The following ENGASE variants were observed in gnomAD, a reference collection of about 807,000 sequenced individuals.
The protein encoded by ENGASE is cytosolic endo-beta-N-acetylglucosaminidase.
ENGASE carries 69 observed loss-of-function variants against 78.5 expected under a neutral mutation model. The ratio of observed to expected loss-of-function variants is 0.88; its 90% CI spans 0.72 to 1.07. ENGASE has a LOEUF of 1.07. ENGASE is among the 50% of genes least tolerant of loss of function. ENGASE has a pLI of 0.00. For missense variants in ENGASE, 943 were observed against 988.4 expected, an observed-to-expected ratio of 0.95 and a Z score of 0.62; for synonymous variants, 408 against 408.9, an observed-to-expected ratio of 1.00 and a Z score of 0.03.
Position 79,081,151 on chromosome 17 carries a change from G to C in ENGASE, c.872+78G>C, listed in dbSNP as rs1286914889. Reference sequence around the variant, plus strand: ...TACTGTGAGGGGTGGGTGCCGCAAGGGGCGGGCGCAGTCTCCCTCATGGAG... The same window carrying C: ...TACTGTGAGGGGTGGGTGCCGCAAGCGGCGGGCGCAGTCTCCCTCATGGAG... On this transcript the variant is annotated intron_variant, in intron 6 of 13. Transcript: ENST00000579016. 45 of 1,334,650 alleles carry C rather than the reference G, an allele frequency of 3.4e-5. No individual in the cohort carries two copies. In the South Asian group the frequency reaches 6.3e-4, roughly 19 times the overall value. The allele number at this position is 1,334,650 out of a possible 1,614,324, so 82.7% of individuals were successfully genotyped here. A position where few individuals can be genotyped will look rare whatever the true frequency, so the allele number is the denominator to read the frequency against.
chr17:79,083,747 G>A lies in ENGASE; in HGVS notation c.1252-14G>A. 1 of 1,603,504 alleles carries A rather than the reference G, an allele frequency of 6.2e-7. No individual in the cohort carries two copies. The highest frequency in any genetic ancestry group is 8.5e-7 in the Non-Finnish European group (1 of 1,174,542). On this transcript the variant is annotated splice_polypyrimidine_tract_variant and intron_variant, in intron 9 of 13. Coordinates refer to ENST00000579016, the MANE Select transcript of ENGASE (RefSeq NM_001042573.3). The surrounding 1 kb of genome is among the most constrained non-coding windows in gnomAD (Gnocchi z 4.9). ...GGCCTCTGCTGAGTGCCCCTGTTCT[G>A]CCCTTTTCTTCAGGAAGAGGCGGTA...
In ENGASE at chr17:79,086,093, G is replaced by T; in HGVS notation, c.1976G>T (p.Arg659Leu). The T allele has an allele frequency of 6.2e-7, 1 of 1,613,654 alleles. No individual in the cohort carries two copies. Among genetic ancestry groups the T allele is most frequent in the Non-Finnish European group, 8.5e-7 (1 of 1,180,036 alleles). Residue 659 changes from arginine to leucine, a missense_variant, in exon 14 of 14, where the codon CGT (arginine) becomes CTT (leucine). Arg to Leu is a moderately radical substitution (Grantham distance 102, BLOSUM62 -2). Coordinates refer to ENST00000579016, the MANE Select transcript of ENGASE (RefSeq NM_001042573.3). ...LHWSFLLSQV[R>L]CFRIHCWGGM... ...TGGTCCTTCCTCCTCTCACAAGTCC[G>T]TTGCTTCCGAATCCACTGCTGGGGA...
At position 79,085,300 on chromosome 17, in the gene ENGASE, T is replaced by C; in HGVS notation, c.1658T>C (p.Val553Ala). 1 of 1,612,858 alleles carries C rather than the reference T, an allele frequency of 6.2e-7. No homozygotes were observed. Reference protein sequence around the residue: ...RVPPTKLARWVGRCGRQLSGG... With the variant: ...RVPPTKLARWAGRCGRQLSGG... Reference sequence around the variant, plus strand: ...CCCCCCACCAAGCTGGCCAGATGGGTGGGCCGCTGCGGCCGGCAGCTGAGT... The same window carrying C: ...CCCCCCACCAAGCTGGCCAGATGGGCGGGCCGCTGCGGCCGGCAGCTGAGT... The change falls in exon 12 of 14, where the codon GTG (valine) becomes GCG (alanine). Residue 553 changes from valine (V) to alanine (A), a missense_variant. Val to Ala is a moderately conservative substitution (Grantham distance 64). Coordinates refer to ENST00000579016, the MANE Select transcript of ENGASE (RefSeq NM_001042573.3).
rs977354936 is a variant in ENGASE at position 79,087,184 on chromosome 17, G to A, written c.*835G>A. 5.0e-6 allele frequency: 2 copies of A among 397,884 alleles called. No homozygotes were observed. The highest frequency in any genetic ancestry group is 4.1e-5 in the African/African-American group (2 of 48,700). The allele number at this position is 397,884 out of a possible 1,614,324, so 24.6% of individuals were successfully genotyped here. A position where few individuals can be genotyped will look rare whatever the true frequency, so the allele number is the denominator to read the frequency against. ...GCCGCCCTTCAGGCTGGGGTAGCAG[G>A]TCAGTCCAGGCAGGAAGCAGCACCT... On this transcript the variant is annotated 3_prime_UTR_variant, in exon 14 of 14. Coordinates refer to ENST00000579016, the MANE Select transcript of ENGASE (RefSeq NM_001042573.3).
At chr17:79,082,839 G>C in intron 7 of ENGASE, 181 bp from the exon 8 acceptor site, 1 of 1,538,196 alleles carries the variant, frequency 6.5e-7, no homozygotes, top group Non-Finnish European at 8.7e-7. Flanking sequence ...CTTCTGGCGG[G>C]CTTGTGGAAC....
chr17:79,084,755 G>C (rs2073243331), intron 11 of ENGASE, 69 bp downstream of exon 11: 3 of 1,553,176 alleles, frequency 1.9e-6, no homozygotes, highest in Non-Finnish European at 2.6e-6. Flanking sequence ...GTGTGGAGAG[G>C]CTCCTGGGGT....
Position 79,080,195 on chromosome 17 carries a change from C to T in ENGASE, c.566-12C>T. On this transcript the variant is annotated splice_polypyrimidine_tract_variant and intron_variant, in intron 4 of 13. Coordinates refer to ENST00000579016, the MANE Select transcript of ENGASE (RefSeq NM_001042573.3). ...TCCCGTGGCTGACCTTGTTTCTCTC[C>T]TATCCTCACAGGGACTTTCATCACG... 1 of 1,581,460 alleles carries T rather than the reference C, an allele frequency of 6.3e-7. No homozygotes were observed. Among genetic ancestry groups the T allele is most frequent in the Non-Finnish European group, 8.6e-7 (1 of 1,162,864 alleles).
chr17:79,080,458 C>G (rs34010889), intron 5 of ENGASE, 94 bp downstream of exon 5: 1 of 1,467,726 alleles, frequency 6.8e-7, no homozygotes. Flanking sequence ...CGCCCCACGC[C>G]TGGGCTGCAG....
chr17:79,083,456 A>G lies in ENGASE; in HGVS notation c.1143-26A>G. Reference sequence around the variant, plus strand: ...AGGCTCCCTCCCTTCCTCCGGACCGAGCTGTTGCCCCCATGTCTCTGGCAG... The same window carrying G: ...AGGCTCCCTCCCTTCCTCCGGACCGGGCTGTTGCCCCCATGTCTCTGGCAG... On this transcript the variant is annotated intron_variant, in intron 8 of 13. Transcript: ENST00000579016. The surrounding 1 kb of genome is among the most constrained non-coding windows in gnomAD (Gnocchi z 4.9). 6.3e-7 allele frequency: 1 copy of G among 1,578,844 alleles called. No homozygotes were observed. Among genetic ancestry groups the G allele is most frequent in the Non-Finnish European group, 8.7e-7 (1 of 1,149,370 alleles).
At position 79,086,373 on chromosome 17, in the gene ENGASE, TC is replaced by T; in HGVS notation, c.*26del. 6.3e-7 allele frequency: 1 copy of T among 1,593,038 alleles called. No homozygotes were observed. Among genetic ancestry groups the T allele is most frequent in the Non-Finnish European group, 8.6e-7 (1 of 1,168,316 alleles). On this transcript the variant is annotated 3_prime_UTR_variant, in exon 14 of 14. Coordinates refer to ENST00000579016, the MANE Select transcript of ENGASE (RefSeq NM_001042573.3). ...GAGCGGATGCTAAGGCCGGGTGGTC[TC>T]CTGGCCTCGGGCTGAGGCCTCTTCC...
intron 10 of ENGASE, 126 bp from the exon 11 acceptor site, chr17:79,084,412 A>T (rs1244938692): frequency 1.1e-5 from 10 of 934,702 alleles, no homozygotes; most frequent in Non-Finnish European, 1.4e-5. Context: ...CAGGACCACG[A>T]TGTGGGAGCA....
Position 79,079,640 on chromosome 17 carries a change from A to G in ENGASE, c.565+3A>G, listed in dbSNP as rs1198474416. ...CAGGCATGGGGTCTGCGTGCTGGGT[A>G]AGAGCCAAGGACTCACCTCTGTGTC... On this transcript the variant is annotated splice_donor_region_variant and intron_variant, in intron 4 of 13. Coordinates refer to ENST00000579016, the MANE Select transcript of ENGASE (RefSeq NM_001042573.3). 7 of 1,612,236 alleles carry G rather than the reference A, an allele frequency of 4.3e-6. No individual in the cohort carries two copies. The highest frequency in any genetic ancestry group is 5.9e-6 in the Non-Finnish European group (7 of 1,179,564).
chr17:79,074,922 T>A lies in ENGASE; in HGVS notation c.-23T>A, dbSNP rs1197443143. Reference sequence around the variant, plus strand: ...GGGCGGGCCCGGGCCTGCGATTGCCTCTCGGCGTGCGCGGACAGTGTCATG... The same window carrying A: ...GGGCGGGCCCGGGCCTGCGATTGCCACTCGGCGTGCGCGGACAGTGTCATG... On this transcript the variant is annotated 5_prime_UTR_variant, in exon 1 of 14. Coordinates refer to ENST00000579016, the MANE Select transcript of ENGASE (RefSeq NM_001042573.3). 1.2e-5 allele frequency: 15 copies of A among 1,259,064 alleles called. No individual in the cohort carries two copies. Among genetic ancestry groups the A allele is most frequent in the Non-Finnish European group, 1.5e-5 (15 of 1,001,522 alleles). 78.0% of individuals were successfully genotyped at this position (1,259,064 alleles called of 1,614,324 possible). A position where few individuals can be genotyped will look rare whatever the true frequency, so the allele number is the denominator to read the frequency against.
In ENGASE at chr17:79,074,884, G is replaced by T; in HGVS notation, c.-61G>T. 8.1e-7 allele frequency: 1 copy of T among 1,236,194 alleles called. No individual in the cohort carries two copies. Among genetic ancestry groups the T allele is most frequent in the African/African-American group, 1.5e-5 (1 of 64,888 alleles). The allele number at this position is 1,236,194 out of a possible 1,614,324, so 76.6% of individuals were successfully genotyped here. On this transcript the variant is annotated 5_prime_UTR_variant, in exon 1 of 14. Coordinates refer to ENST00000579016, the MANE Select transcript of ENGASE (RefSeq NM_001042573.3). The stretch of plus-strand genomic sequence containing the variant: ...CAGCGCTGCGCACTTCCCATTGGCC[G>T]AGCGCGGCGCGGGGGCGGGCCCGGG...
In ENGASE at chr17:79,086,810, G is replaced by A. The variant is rs1281176736; in HGVS notation, c.*461G>A. 2.0e-5 allele frequency: 8 copies of A among 392,398 alleles called. No individual in the cohort carries two copies. Among genetic ancestry groups the A allele is most frequent in the Non-Finnish European group, 4.1e-5 (8 of 195,376 alleles). 24.3% of individuals were successfully genotyped at this position (392,398 alleles called of 1,614,324 possible). On this transcript the variant is annotated 3_prime_UTR_variant, in exon 14 of 14. Coordinates refer to ENST00000579016, the MANE Select transcript of ENGASE (RefSeq NM_001042573.3). ...GGCGCCGAGACATTTCTGAGCATGAGGACGAGCTACAGCAGCTCCTGGGGT... is the reference window on the plus strand; with the variant it reads ...GGCGCCGAGACATTTCTGAGCATGAAGACGAGCTACAGCAGCTCCTGGGGT...
chr17:79,075,482 C>A (rs1260143318), intron 1 of ENGASE, among the ~76,000 whole-genome samples: 1 of 152,220 alleles, frequency 6.6e-6, no homozygotes, highest in Non-Finnish European at 1.5e-5. Context: ...GAAGGGGTGG[C>A]CTTCTGTAGG....
At chr17:79,081,112 G>A (rs530151741) in intron 6 of ENGASE, 39 bp downstream of exon 6, 30 of 1,520,944 alleles carry the variant, frequency 2.0e-5, no homozygotes, top group South Asian at 5.0e-5. Context: ...GGCAGGTGCC[G>A]TGGTGGGGGC....
chr17:79,086,378 G>C lies in ENGASE; in HGVS notation c.*29G>C. The C allele has an allele frequency of 5.0e-6, 8 of 1,588,152 alleles. No homozygotes were observed. Among genetic ancestry groups the C allele is most frequent in the Non-Finnish European group, 6.9e-6 (8 of 1,166,430 alleles). On this transcript the variant is annotated 3_prime_UTR_variant, in exon 14 of 14. Coordinates refer to ENST00000579016, the MANE Select transcript of ENGASE (RefSeq NM_001042573.3). Reference sequence around the variant, plus strand: ...GATGCTAAGGCCGGGTGGTCTCCTGGCCTCGGGCTGAGGCCTCTTCCCGGC... The same window carrying C: ...GATGCTAAGGCCGGGTGGTCTCCTGCCCTCGGGCTGAGGCCTCTTCCCGGC...
intron 3 of ENGASE, among the ~76,000 whole-genome samples, chr17:79,078,560 G>T (rs1439117456): frequency 2.0e-5 from 3 of 152,198 alleles, no homozygotes; most frequent in African/African-American, 7.2e-5. Context: ...CTCTGATCCT[G>T]TTCTGGGTCG....
Sources: allele counts gnomAD v4.1 joint callset (sites outside exome capture counted in the v4.1 genomes callset), GRCh38; gene constraint gnomAD v4.1.1; non-coding constraint Gnocchi (gnomAD v3.1); transcripts MANE v1.5; gene names NCBI Gene and HGNC (gene_info 2026-07-23, HGNC 2026-07-21).